Variants in MTX1 observed in about 807,000 individuals in gnomAD.
MTX1 encodes metaxin-1.
A neutral mutation model predicts 39.4 loss-of-function variants in MTX1; 20 were observed. That is an observed-to-expected ratio of 0.51 (90% CI 0.36 to 0.74). The LOEUF (loss-of-function observed/expected upper bound fraction) is 0.74. Ranked by LOEUF, MTX1 falls within the 30% of genes least tolerant of loss-of-function variation. The pLI, the probability that MTX1 is intolerant of heterozygous loss-of-function variation, is 0.00. For synonymous variants in MTX1, 209 were observed against 198.6 expected (o/e 1.05, Z -0.44); for missense variants, 481 against 485.9 (o/e 0.99, Z 0.10).
rs1670939293 is a variant in MTX1 at position 155,209,034 on chromosome 1, G to C, written c.230G>C (p.Gly77Ala). Residue 77 changes from glycine (G) to alanine (A), a missense_variant, in exon 1 of 8, where the codon GGC becomes GCC. Transcript: ENST00000368376. ...AGPTALSRYV[G>A]HLWMGRRPPS... ...CCGACAGCGCTGTCCCGCTACGTGG[G>C]CCACCTCTGGATGGGCCGGCGGCCG... 6.4e-7 allele frequency: 1 copy of C among 1,562,016 alleles called. No individual in the cohort carries two copies. Among genetic ancestry groups the C allele is most frequent in the South Asian group, 1.2e-5 (1 of 85,610 alleles).
At position 155,213,546 on chromosome 1, in the gene MTX1, C is replaced by T. The variant is rs1279685300; in HGVS notation, c.1249C>T (p.Arg417Cys). 1.5e-5 allele frequency: 2 copies of T among 136,910 alleles called. No individual in the cohort carries two copies. The highest frequency in any genetic ancestry group is 2.5e-5 in the Non-Finnish European group (2 of 79,950). 8.5% of individuals were successfully genotyped at this position (136,910 alleles called of 1,614,324 possible). The change falls in exon 8 of 8, where the codon CGC becomes TGC. Residue 417 changes from arginine to cysteine, a missense_variant. By Grantham distance (180) the Arg-to-Cys change is radical. Coordinates refer to ENST00000368376, the MANE Select transcript of MTX1 (RefSeq NM_002455.5). ...GPETEEEPYRRRNQILSVLAG... is the reference protein window; with the variant it reads ...GPETEEEPYRCRNQILSVLAG... ...AGAGACTGAGGAGGAGCCATACCGG[C>T]GCCGGAACCAGATCCTATCTGTGCT...
At chr1:155,210,468 G>C (rs772010701) in intron 2 of MTX1, 53 bp downstream of exon 2, 12 of 1,607,688 alleles carry the variant, frequency 7.5e-6, no homozygotes, top group Non-Finnish European at 1.0e-5. Context: ...GGAGAAGCAA[G>C]AAATAGGCAG....
rs1206714870 is a variant in MTX1 at position 155,213,611 on chromosome 1, C to T, written c.1314C>T (p.Ser438=). Residue 438 remains serine, a synonymous_variant, in exon 8 of 8, where the codon AGC becomes AGT. Transcript: ENST00000368376. ...CCATGGTGGGCTACGCCTTGCTCAGCGGCATTGTCTCCATCCAGCGGGCAA... is the reference window on the plus strand; with the variant it reads ...CCATGGTGGGCTACGCCTTGCTCAGTGGCATTGTCTCCATCCAGCGGGCAA... ...LAAMVGYALL[S]GIVSIQRATP... 1.8e-4 allele frequency: 14 copies of T among 78,492 alleles called. No individual in the cohort carries two copies. The East Asian group carries it at 2.3e-3, about 13-fold the overall frequency. 4.9% of individuals were successfully genotyped at this position (78,492 alleles called of 1,614,324 possible).
In MTX1 at chr1:155,210,544, T is replaced by C; in HGVS notation, c.599-4T>C. On this transcript the variant is annotated splice_region_variant and splice_polypyrimidine_tract_variant and intron_variant, in intron 2 of 7. Transcript: ENST00000368376. ...TGGTTGGTATACTTCCCTCTCAATATCAGGAACTCTGCCTGCCCTTCGGAC... is the reference window on the plus strand; with the variant it reads ...TGGTTGGTATACTTCCCTCTCAATACCAGGAACTCTGCCTGCCCTTCGGAC... The C allele has an allele frequency of 1.2e-6, 2 of 1,614,068 alleles. No homozygotes were observed. The highest frequency in any genetic ancestry group is 2.2e-5 in the South Asian group (2 of 91,074).
intron 1 of MTX1, among the ~76,000 whole-genome samples, 190 bp from the exon 2 acceptor site, chr1:155,210,156 G>A (rs1290969034): frequency 6.6e-6 from 1 of 152,194 alleles, no homozygotes; most frequent in Non-Finnish European, 1.5e-5. Context: ...AGACATGTCC[G>A]GAATCTCTCT....
chr1:155,208,719 CT>C lies in MTX1; in HGVS notation c.-85del. 3.7e-6 allele frequency: 5 copies of C among 1,363,534 alleles called. No individual in the cohort carries two copies. The highest frequency in any genetic ancestry group is 4.8e-6 in the Non-Finnish European group (5 of 1,040,242). The allele number at this position is 1,363,534 out of a possible 1,614,324, so 84.5% of individuals were successfully genotyped here. ...CACCCAAGCCCCAGCCCGGCCTCCGCTCCGGCCGCCGCCACCGCCCCTGTTT... is the reference window on the plus strand; with the variant it reads ...CACCCAAGCCCCAGCCCGGCCTCCGCCCGGCCGCCGCCACCGCCCCTGTTT... On this transcript the variant is annotated 5_prime_UTR_variant, in exon 1 of 8. Transcript: ENST00000368376.
chr1:155,209,435 AG>A (rs1339000868), intron 1 of MTX1, 103 bp downstream of exon 1: 2 of 1,255,366 alleles, frequency 1.6e-6, no homozygotes, highest in Admixed American at 3.6e-5. Context: ...GCACGGGCGC[AG>A]TGGGGGAAAC....
At chr1:155,210,504 A>G (rs1671085984) in intron 2 of MTX1, 44 bp from the exon 3 acceptor site, 2 of 1,607,842 alleles carry the variant, frequency 1.2e-6, no homozygotes, top group African/African-American at 2.7e-5. Flanking sequence ...ATGTATGACT[A>G]GGCAGCTAAG....
chr1:155,211,870 G>A (rs1671140522), intron 3 of MTX1: 2 of 341,850 alleles, frequency 5.9e-6, no homozygotes, highest in South Asian at 8.1e-5. Flanking sequence ...CTCCTAGTTT[G>A]CGGCGGAGCC....
rs1360111394 is a variant in MTX1 at position 155,209,133 on chromosome 1, C to G, written c.329C>G (p.Pro110Arg). Residue 110 changes from proline to arginine, a missense_variant, in exon 1 of 8, where the codon CCG becomes CGG. Physicochemically the swap from Pro to Arg is moderately radical, Grantham distance 103 (BLOSUM62 -2). Transcript: ENST00000368376. ...ASRARRSLAS[P>R]GISPGPLTAT... ...CGGGCCAGAAGAAGCCTCGCCTCCC[C>G]GGGGATCTCCCCAGGCCCCCTGACC... 3 of 1,540,436 alleles carry G rather than the reference C, an allele frequency of 1.9e-6. No homozygotes were observed. The highest frequency in any genetic ancestry group is 2.6e-6 in the Non-Finnish European group (3 of 1,141,908).
rs1042765536 is a variant in MTX1 at position 155,208,710 on chromosome 1, C to T, written c.-95C>T. ...CCCCTCCCCCACCCAAGCCCCAGCCCGGCCTCCGCTCCGGCCGCCGCCACC... is the reference window on the plus strand; with the variant it reads ...CCCCTCCCCCACCCAAGCCCCAGCCTGGCCTCCGCTCCGGCCGCCGCCACC... On this transcript the variant is annotated 5_prime_UTR_variant, in exon 1 of 8. Coordinates refer to ENST00000368376, the MANE Select transcript of MTX1 (RefSeq NM_002455.5). The T allele has an allele frequency of 2.3e-6, 3 of 1,300,874 alleles. No individual in the cohort carries two copies. The highest frequency in any genetic ancestry group is 3.1e-6 in the Non-Finnish European group (3 of 983,190). The allele number at this position is 1,300,874 out of a possible 1,614,324, so 80.6% of individuals were successfully genotyped here.
chr1:155,208,954 A>T lies in MTX1; in HGVS notation c.150A>T (p.Ser50=), dbSNP rs201584620. ...GCTCTCCAGAGCCTGCCGCGCCTTC[A>T]GGGGTTCGGGGCTCCACTTGGACGA... The part of the protein sequence containing the change: ...RPRSPEPAAP[S]GVRGSTWTRR... The change falls in exon 1 of 8, where the codon TCA becomes TCT. Residue 50 remains serine, a synonymous_variant. Coordinates refer to ENST00000368376, the MANE Select transcript of MTX1 (RefSeq NM_002455.5). 1.9e-5 allele frequency: 30 copies of T among 1,609,236 alleles called. No homozygotes were observed. The East Asian group carries it at 6.5e-4, about 35-fold the overall frequency.
rs774273033 is a variant in MTX1 at position 155,210,361 on chromosome 1, A to G, written c.544A>G (p.Thr182Ala). ...TTCCCTGCAGACCTATGCCAGATTTACTGGTGCTCCACTGAAGGTACACAA... is the reference window on the plus strand; with the variant it reads ...TTCCCTGCAGACCTATGCCAGATTTGCTGGTGCTCCACTGAAGGTACACAA... ...SLAVLTYARFTGAPLKVHKIS... is the reference protein window; with the variant it reads ...SLAVLTYARFAGAPLKVHKIS... The change falls in exon 2 of 8, where the codon ACT becomes GCT. Residue 182 changes from threonine to alanine, a missense_variant. Physicochemically the swap from Thr to Ala is moderately conservative, Grantham distance 58. This residue lies in a region of MTX1 where 368 missense variants were observed against 332.8 expected (regional missense o/e 1.11). Coordinates refer to ENST00000368376, the MANE Select transcript of MTX1 (RefSeq NM_002455.5). The G allele has an allele frequency of 3.1e-6, 5 of 1,614,052 alleles. No individual in the cohort carries two copies. The highest frequency in any genetic ancestry group is 4.2e-6 in the Non-Finnish European group (5 of 1,180,016).
chr1:155,208,770 A>C lies in MTX1; in HGVS notation c.-35A>C, dbSNP rs951001345. On this transcript the variant is annotated 5_prime_UTR_variant, in exon 1 of 8. Coordinates refer to ENST00000368376, the MANE Select transcript of MTX1 (RefSeq NM_002455.5). The stretch of plus-strand genomic sequence containing the variant: ...TTGTTTCCATGGCGACAGGCGGCGC[A>C]GGGCCCGCTCCAAACATAACGCGCT... The C allele has an allele frequency of 7.2e-6, 9 of 1,244,348 alleles. No homozygotes were observed. Among genetic ancestry groups the C allele is most frequent in the Non-Finnish European group, 9.3e-6 (9 of 969,292 alleles). 77.1% of individuals were successfully genotyped at this position (1,244,348 alleles called of 1,614,324 possible).
In MTX1 at chr1:155,208,718, G is replaced by T; in HGVS notation, c.-87G>T. 1 of 438,362 alleles carries T rather than the reference G, an allele frequency of 2.3e-6. No individual in the cohort carries two copies. The highest frequency in any genetic ancestry group is 3.6e-6 in the Non-Finnish European group (1 of 274,106). The allele number at this position is 438,362 out of a possible 1,614,324, so 27.2% of individuals were successfully genotyped here. A position where few individuals can be genotyped will look rare whatever the true frequency, so the allele number is the denominator to read the frequency against. On this transcript the variant is annotated 5_prime_UTR_variant, in exon 1 of 8. Transcript: ENST00000368376. ...CCACCCAAGCCCCAGCCCGGCCTCC[G>T]CTCCGGCCGCCGCCACCGCCCCTGT... is the stretch of plus-strand genomic sequence containing the variant.
intron 4 of MTX1, 64 bp downstream of exon 4, chr1:155,212,283 CCA>C: frequency 1.9e-6 from 3 of 1,594,442 alleles, no homozygotes; most frequent in Non-Finnish European, 2.6e-6. Flanking sequence ...ACACACAGAC[CCA>C]CACACAGGCT....
chr1:155,209,539 T>C (rs1244471984), intron 1 of MTX1, among the ~76,000 whole-genome samples: 1 of 152,240 alleles, frequency 6.6e-6, no homozygotes, highest in South Asian at 2.1e-4. Context: ...AGACGCCTGG[T>C]TGGGAGTTCA....
Position 155,212,561 on chromosome 1 carries a change from G to T in MTX1, c.948G>T (p.Glu316Asp), listed in dbSNP as rs41264923. Residue 316 changes from glutamate (E) to aspartate (D), a missense_variant, in exon 5 of 8, where the codon GAG becomes GAT. Glu to Asp is a conservative substitution (Grantham distance 45). Transcript: ENST00000368376. The part of the protein sequence containing the change: ...EHRPEDEEEL[E>D]KELYREAREC... Reference sequence around the variant, plus strand: ...GGCCTGAGGACGAGGAAGAGCTGGAGAAGGAGGTAGCTCTGAGACCGGGGG... The same window carrying T: ...GGCCTGAGGACGAGGAAGAGCTGGATAAGGAGGTAGCTCTGAGACCGGGGG... 4.0e-5 allele frequency: 64 copies of T among 1,609,462 alleles called. No individual in the cohort carries two copies. Among genetic ancestry groups the T allele is most frequent in the Non-Finnish European group, 4.9e-5 (58 of 1,176,728 alleles).
chr1:155,211,038 C>T, intron 3 of MTX1: 1 of 242,178 alleles, frequency 4.1e-6, no homozygotes, highest in South Asian at 4.6e-5. Context: ...GAGGCCTAGG[C>T]TATGCTCTTT....
Sources: gnomAD v4.1 joint callset for allele counts (sites outside exome capture counted in the v4.1 genomes callset) on GRCh38, gnomAD v4.1.1 for gene constraint, gnomAD v4.1.1 regional missense constraint, MANE v1.5 for transcripts, NCBI Gene and HGNC (gene_info 2026-07-23, HGNC 2026-07-21) for gene names.